Variants in SND1 observed in about 807,000 individuals in gnomAD.
SND1 encodes the protein staphylococcal nuclease domain-containing protein 1.
A neutral mutation model predicts 121.7 loss-of-function variants in SND1; 38 were observed. The ratio of observed to expected loss-of-function variants is 0.31; its 90% CI spans 0.24 to 0.41. The LOEUF (loss-of-function observed/expected upper bound fraction) is 0.41. SND1 is among the 10% of genes least tolerant of loss of function. The probability of loss-of-function intolerance (pLI) is 1.00; values close to 1 mark genes in which losing one functional copy is unlikely to be tolerated. For synonymous variants in SND1, 401 were observed against 447.4 expected (o/e 0.90, Z 1.31); for missense variants, 868 against 1,184.6 (o/e 0.73, Z 3.92).
intron 16 of SND1, among the ~76,000 whole-genome samples, chr7:128,044,499 C>T (rs1279451733): frequency 6.6e-6 from 1 of 152,142 alleles, no homozygotes; most frequent in Non-Finnish European, 1.5e-5. Flanking sequence ...GTGTACAACA[C>T]ACTTATTTTG....
chr7:127,803,304 C>T (rs1798170477), intron 10 of SND1, among the ~76,000 whole-genome samples: 1 of 152,198 alleles, frequency 6.6e-6, no homozygotes. Context: ...ACCCCTGTTC[C>T]CTTTCCTGCT....
At chr7:127,669,113 C>T (rs1795470849) in intron 1 of SND1, among the ~76,000 whole-genome samples, 2 of 152,176 alleles carry the variant, frequency 1.3e-5, no homozygotes, top group African/African-American at 4.8e-5. Context: ...CTGCGTCAGC[C>T]TCCTGAATAG....
chr7:127,850,685 G>A (rs562763702), intron 12 of SND1, among the ~76,000 whole-genome samples: 3 of 152,136 alleles, frequency 2.0e-5, no homozygotes, highest in Non-Finnish European at 2.9e-5. Context: ...CAAACCTTCC[G>A]CCTTCCCAAA....
At chr7:127,694,169 G>A (rs1795969703) in intron 2 of SND1, among the ~76,000 whole-genome samples, 1 of 152,132 alleles carries the variant, frequency 6.6e-6, no homozygotes. Flanking sequence ...CCATTTTGGG[G>A]GATATCTTCT....
chr7:127,893,244 A>G (rs2116741434), intron 13 of SND1, among the ~76,000 whole-genome samples: 1 of 152,242 alleles, frequency 6.6e-6, no homozygotes, highest in African/African-American at 2.4e-5. Flanking sequence ...TCATCATGCT[A>G]GATGTCTTCC....
At chr7:127,847,743 C>A (rs1799093068) in intron 12 of SND1, among the ~76,000 whole-genome samples, 2 of 152,154 alleles carry the variant, frequency 1.3e-5, no homozygotes, top group African/African-American at 4.8e-5. Context: ...GGCTCACTGC[C>A]CGAAGTGCGT....
chr7:127,872,539 A>C (rs1479013234), intron 12 of SND1, among the ~76,000 whole-genome samples: 2 of 151,104 alleles, frequency 1.3e-5, no homozygotes, highest in African/African-American at 4.9e-5. Flanking sequence ...CTCTTCACCT[A>C]TTTTTTATAA....
intron 14 of SND1, among the ~76,000 whole-genome samples, chr7:127,926,771 T>C (rs1021746273): frequency 1.4e-5 from 2 of 138,396 alleles, no homozygotes; most frequent in Non-Finnish European, 3.1e-5. Flanking sequence ...TGTTGTACTT[T>C]TAGTAGAGAC....
At chr7:127,858,563 A>C (rs994469998) in intron 12 of SND1, 6 of 393,512 alleles carry the variant, frequency 1.5e-5, no homozygotes, top group Non-Finnish European at 2.4e-5. Context: ...TCTGGACCTT[A>C]GCAACACTGA....
At chr7:128,023,800 T>C (rs1803412902) in intron 16 of SND1, among the ~76,000 whole-genome samples, 1 of 152,216 alleles carries the variant, frequency 6.6e-6, no homozygotes, top group Admixed American at 6.5e-5. Flanking sequence ...TATTGTCAAA[T>C]AACTGTTATC....
intron 1 of SND1, among the ~76,000 whole-genome samples, chr7:127,661,121 A>T (rs752854641): frequency 1.3e-5 from 2 of 152,114 alleles, no homozygotes; most frequent in South Asian, 2.1e-4. Flanking sequence ...TGAGGGGAGG[A>T]TAGTGGTTTC....
intron 10 of SND1, among the ~76,000 whole-genome samples, chr7:127,731,270 G>GT (rs1446750821): frequency 6.6e-6 from 1 of 152,272 alleles, no homozygotes; most frequent in African/African-American, 2.4e-5. Context: ...TTGGCAGACA[G>GT]TTCCATATGC....
chr7:127,939,250 A>T (rs1375973279), intron 15 of SND1, among the ~76,000 whole-genome samples: 1 of 152,188 alleles, frequency 6.6e-6, no homozygotes, highest in Non-Finnish European at 1.5e-5. Context: ...GGACATCAGG[A>T]AACTGCAGGT....
At position 127,707,646 on chromosome 7, in the gene SND1, A is replaced by G. The variant is rs1299822155; in HGVS notation, c.1037A>G (p.Lys346Arg). Residue 346 changes from lysine to arginine, a missense_variant and splice_region_variant, in exon 9 of 24, where the codon AAG becomes AGG. Transcript: ENST00000354725. ...CAAAAGGACAAGCAGTTTGTTGCCA[A>G]GGTGAGTCATTCTCAGCATCTTGAT... ...LDQKDKQFVA[K>R]VMQVLNADAI... 1.9e-6 allele frequency: 3 copies of G among 1,613,506 alleles called. No individual in the cohort carries two copies. The highest frequency in any genetic ancestry group is 2.5e-6 in the Non-Finnish European group (3 of 1,179,426).
rs201003399 is a variant in SND1 at position 127,702,457 on chromosome 7, C to T, written c.612C>T (p.Asp204=). The T allele has an allele frequency of 5.0e-5, 81 of 1,614,072 alleles. No homozygotes were observed. The East Asian group carries it at 9.4e-4, about 19-fold the overall frequency. ...PVNAIIEHVR[D]GSVVRALLLP... The stretch of plus-strand genomic sequence containing the variant: ...CAGCTATCATCGAGCATGTGCGGGA[C>T]GGCAGTGTGGTCAGGGCCCTGCTCC... The change falls in exon 6 of 24, where the codon GAC becomes GAT. Residue 204 remains aspartate, a synonymous_variant. Coordinates refer to ENST00000354725, the MANE Select transcript of SND1 (RefSeq NM_014390.4).
At chr7:128,014,650 A>T (rs1340798222) in intron 16 of SND1, among the ~76,000 whole-genome samples, 1 of 151,984 alleles carries the variant, frequency 6.6e-6, no homozygotes, top group African/African-American at 2.4e-5. Flanking sequence ...GCCCACATAC[A>T]CATGCACACA....
intron 10 of SND1, among the ~76,000 whole-genome samples, chr7:127,776,611 C>T (rs1170390975): frequency 1.3e-5 from 2 of 152,056 alleles, no homozygotes; most frequent in Non-Finnish European, 2.9e-5. Flanking sequence ...AAAGGAGGTA[C>T]ATATTTACAC....
intron 15 of SND1, among the ~76,000 whole-genome samples, chr7:127,940,939 G>A (rs576674900): frequency 6.6e-6 from 1 of 152,370 alleles, no homozygotes; most frequent in East Asian, 1.9e-4. Flanking sequence ...ACTGACCACA[G>A]AATGCACTTC....
rs185359694 is a variant in SND1 at position 128,020,690 on chromosome 7, A to C, written c.1779+29634A>C. 2.8e-3 allele frequency among the ~76,000 whole-genome samples: 420 copies of C among 152,298 alleles called. 4 individuals carry two copies. Among genetic ancestry groups the C allele is most frequent in the Admixed American group, 2.6e-3 (40 of 15,298 alleles). On this transcript the variant is annotated intron_variant, in intron 16 of 23. Coordinates refer to ENST00000354725, the MANE Select transcript of SND1 (RefSeq NM_014390.4). ...TGAGAAGGCACCCTCGGCTGACATA[A>C]CACCACTAGTCGGAGTGGATGTGGA... is the stretch of plus-strand genomic sequence containing the variant.
Sources: gnomAD v4.1 joint callset for allele counts (sites outside exome capture counted in the v4.1 genomes callset) on GRCh38, gnomAD v4.1.1 for gene constraint, MANE v1.5 for transcripts, NCBI Gene and HGNC (gene_info 2026-07-23, HGNC 2026-07-21) for gene names.